APC: variants seen among roughly 807,000 people sequenced by gnomAD.
APC encodes APC regulator of Wnt signaling pathway, also known as adenomatous polyposis coli protein.
In APC, 72 loss-of-function variants were observed where a neutral mutation model predicts 247.0. That is an observed-to-expected ratio of 0.29 (90% CI 0.24 to 0.35). The LOEUF (loss-of-function observed/expected upper bound fraction) is 0.35. APC is among the 10% of genes least tolerant of loss of function. The pLI is 1.00. For synonymous variants in APC, 1,254 were observed against 1,162.5 expected, an observed-to-expected ratio of 1.08 and a Z score of -1.60; for missense variants, 3,400 against 3,360.7, an observed-to-expected ratio of 1.01 and a Z score of -0.29.
At chr5:112,814,909 C>T (rs1762341728) in intron 8 of APC, among the ~76,000 whole-genome samples, 1 of 152,216 alleles carries the variant, frequency 6.6e-6, no homozygotes, top group Non-Finnish European at 1.5e-5. Flanking sequence ...TTAAATGTTA[C>T]TGATTTTATA....
intron 1 of APC, among the ~76,000 whole-genome samples, chr5:112,708,528 T>C (rs1042221682): frequency 1.3e-5 from 2 of 152,180 alleles, no homozygotes; most frequent in Admixed American, 6.5e-5. Flanking sequence ...GCTTTCTAGA[T>C]CTAGTGAAAG....
chr5:112,827,999 T>TA lies in APC; in HGVS notation c.1620dup (p.Gln541ThrfsTer19), dbSNP rs1131691555. The TA allele has an allele frequency of 6.2e-7, 1 of 1,611,936 alleles. No individual in the cohort carries two copies. The highest frequency in any genetic ancestry group is 8.5e-7 in the Non-Finnish European group (1 of 1,179,286). ...CAACTAAAATCTGAAAGTGAAGACTTACAGCAGGTACTATTTAGAATTTCA... is the reference window on the plus strand; with the variant it reads ...CAACTAAAATCTGAAAGTGAAGACTTAACAGCAGGTACTATTTAGAATTTCA... On this transcript the variant is annotated frameshift_variant, in exon 13 of 16. Transcript: ENST00000257430. LOFTEE classifies it high-confidence loss of function.
chr5:112,841,623 A>T lies in APC; in HGVS notation c.6029A>T (p.Lys2010Ile), dbSNP rs1766119645. The T allele has an allele frequency of 6.2e-7, 1 of 1,613,356 alleles. No homozygotes were observed. Reference sequence around the variant, plus strand: ...CCTCAAGCATCAGGCTATGCTCCTAAATCATTTCATGTTGAAGATACCCCA... The same window carrying T: ...CCTCAAGCATCAGGCTATGCTCCTATATCATTTCATGTTGAAGATACCCCA... ...SKPQASGYAP[K>I]SFHVEDTPVC... The change falls in exon 16 of 16, where the codon AAA (lysine) becomes ATA (isoleucine). Residue 2010 changes from lysine (K) to isoleucine (I), a missense_variant. By Grantham distance (102) the Lys-to-Ile change is moderately radical. Transcript: ENST00000257430. This position sits in a 1 kb window ranked among gnomAD's most constrained non-coding sequence, Gnocchi z 4.6.
intron 2 of APC, among the ~76,000 whole-genome samples, chr5:112,761,817 C>A (rs1581144297): frequency 6.6e-6 from 1 of 152,116 alleles, no homozygotes; most frequent in Admixed American, 6.5e-5. Flanking sequence ...ATAATCTTAT[C>A]TATGTGGCCT....
chr5:112,843,772 T>G lies in APC; in HGVS notation c.8178T>G (p.Ile2726Met). Reference sequence around the variant, plus strand: ...TGGAAAATCGCCTGAACTCCTTTATTCAGGTGGATGCCCCTGACCAAAAAG... The same window carrying G: ...TGGAAAATCGCCTGAACTCCTTTATGCAGGTGGATGCCCCTGACCAAAAAG... The part of the protein sequence containing the change: ...VGLENRLNSF[I>M]QVDAPDQKGT... Residue 2726 changes from isoleucine (I) to methionine (M), a missense_variant, in exon 16 of 16, where the codon ATT becomes ATG. Ile to Met is a conservative substitution (Grantham distance 10). Coordinates refer to ENST00000257430, the MANE Select transcript of APC (RefSeq NM_000038.6). This position sits in a 1 kb window ranked among gnomAD's most constrained non-coding sequence, Gnocchi z 4.8. The G allele has an allele frequency of 6.2e-7, 1 of 1,614,000 alleles. No homozygotes were observed. Among genetic ancestry groups the G allele is most frequent in the Non-Finnish European group, 8.5e-7 (1 of 1,179,872 alleles).
At chr5:112,802,095 T>C (rs1760891263) in intron 8 of APC, among the ~76,000 whole-genome samples, 1 of 152,118 alleles carries the variant, frequency 6.6e-6, no homozygotes, top group South Asian at 2.1e-4. Flanking sequence ...AATGAATGAC[T>C]TTTTAAAAAC....
rs1446823177 is a variant in APC at position 112,838,337 on chromosome 5, G to T, written c.2743G>T (p.Val915Leu). 1 of 1,614,216 alleles carries T rather than the reference G, an allele frequency of 6.2e-7. No homozygotes were observed. Among genetic ancestry groups the T allele is most frequent in the Non-Finnish European group, 8.5e-7 (1 of 1,180,038 alleles). ...TGGGTCTACCACTGAATTACATTGT[G>T]TGACAGATGAGAGAAATGCACTTAG... is the stretch of plus-strand genomic sequence containing the variant. ...SSGSTTELHC[V>L]TDERNALRRS... Residue 915 changes from valine to leucine, a missense_variant, in exon 16 of 16, where the codon GTG becomes TTG. This residue lies in a region of APC where 715 missense variants were observed against 656.6 expected (regional missense o/e 1.09). Transcript: ENST00000257430.
intron 1 of APC, 97 bp from the exon 2 acceptor site, chr5:112,754,776 C>T (rs1434532635): frequency 8.8e-6 from 10 of 1,134,992 alleles, no homozygotes; most frequent in Admixed American, 2.1e-5. Context: ...TCTTCTTAAA[C>T]GTCTTAAGAG....
chr5:112,838,971 G>T lies in APC; in HGVS notation c.3377G>T (p.Ser1126Ile), dbSNP rs767339739. 3.7e-6 allele frequency: 6 copies of T among 1,613,962 alleles called. No homozygotes were observed. In the South Asian group the frequency reaches 5.5e-5, roughly 15 times the overall value. Reference protein sequence around the residue: ...GSNHGINQNVSQSLCQEDDYE... With the variant: ...GSNHGINQNVIQSLCQEDDYE... ...AATCATGGAATTAATCAAAATGTAA[G>T]CCAGTCTTTGTGTCAAGAAGATGAC... Residue 1126 changes from serine (S) to isoleucine (I), a missense_variant, in exon 16 of 16, where the codon AGC (serine) becomes ATC (isoleucine). Physicochemically the swap from Ser to Ile is moderately radical, Grantham distance 142 (BLOSUM62 -2). Around this residue, in one of 9 missense-constraint regions of APC, gnomAD observed 715 missense variants for 656.6 expected, o/e 1.09. Transcript: ENST00000257430.
Position 112,754,922 on chromosome 5 carries a change from A to T in APC, c.32A>T (p.Lys11Met), listed in dbSNP as rs2149737590. 3.1e-6 allele frequency: 5 copies of T among 1,613,848 alleles called. No individual in the cohort carries two copies. The highest frequency in any genetic ancestry group is 4.2e-6 in the Non-Finnish European group (5 of 1,179,794). ...GCAGCTTCATATGATCAGTTGTTAAAGCAAGTTGAGGCACTGAAGATGGAG... is the reference window on the plus strand; with the variant it reads ...GCAGCTTCATATGATCAGTTGTTAATGCAAGTTGAGGCACTGAAGATGGAG... MAAASYDQLL[K>M]QVEALKMENS... The change falls in exon 2 of 16, where the codon AAG (lysine) becomes ATG (methionine). Residue 11 changes from lysine to methionine, a missense_variant. By Grantham distance (95) the Lys-to-Met change is moderately conservative. Around this residue, in one of 9 missense-constraint regions of APC, gnomAD observed 372 missense variants for 367.6 expected, o/e 1.01. Transcript: ENST00000257430.
intron 7 of APC, among the ~76,000 whole-genome samples, chr5:112,799,956 C>T (rs918878060): frequency 1.3e-5 from 2 of 152,150 alleles, no homozygotes; most frequent in African/African-American, 4.8e-5. Flanking sequence ...CCCAAGAGAG[C>T]TCTTCCAAAC....
At chr5:112,778,611 A>G (rs574004684) in intron 5 of APC, 2 of 151,584 alleles carry the variant, frequency 1.3e-5, no homozygotes, top group South Asian at 2.1e-4. Flanking sequence ...CAGTGGCGCA[A>G]TCTCAGCTCA....
chr5:112,728,152 G>C (rs1446896976), intron 1 of APC, among the ~76,000 whole-genome samples: 2 of 151,830 alleles, frequency 1.3e-5, no homozygotes, highest in Non-Finnish European at 2.9e-5. Flanking sequence ...TTTTGAGACA[G>C]AGTCTCTCTC....
At chr5:112,717,167 C>T (rs1269745298) in intron 1 of APC, among the ~76,000 whole-genome samples, 10 of 152,166 alleles carry the variant, frequency 6.6e-5, no homozygotes, top group East Asian at 1.9e-4. Context: ...TGTGCCACTA[C>T]GCCTGCCTAA....
At chr5:112,819,383 A>G (rs1204598353) in intron 10 of APC, 39 bp downstream of exon 10, 5 of 1,613,588 alleles carry the variant, frequency 3.1e-6, no homozygotes, top group Non-Finnish European at 4.2e-6. Flanking sequence ...GCATGTTTCA[A>G]AGCAAATGTG....
chr5:112,833,180 ATT>A (rs35482005), intron 14 of APC, among the ~76,000 whole-genome samples: 318 of 122,124 alleles, frequency 2.6e-3, no homozygotes, highest in African/African-American at 5.6e-3. Flanking sequence ...TGCCTGGCTA[ATT>A]TTTTTTTTTT....
At chr5:112,753,868 T>C (rs186180449) in intron 1 of APC, among the ~76,000 whole-genome samples, 7 of 152,322 alleles carry the variant, frequency 4.6e-5, no homozygotes, top group African/African-American at 1.2e-4. Context: ...CTTAATACTT[T>C]TTAGCTATTA....
At chr5:112,828,826 T>A in intron 13 of APC, 30 bp from the exon 14 acceptor site, 1 of 1,464,884 alleles carries the variant, frequency 6.8e-7, no homozygotes, top group Non-Finnish European at 9.6e-7. Context: ...ATTTTATGTA[T>A]AAATTAATCT....
chr5:112,787,501 T>A (rs1759104267), intron 6 of APC, among the ~76,000 whole-genome samples: 1 of 152,164 alleles, frequency 6.6e-6, no homozygotes, highest in Non-Finnish European at 1.5e-5. Flanking sequence ...TAACAATCAG[T>A]GGGTAGTGAA....
Sources: allele counts gnomAD v4.1 joint callset (sites outside exome capture counted in the v4.1 genomes callset), GRCh38; gene constraint gnomAD v4.1.1; regional missense constraint gnomAD v4.1.1; non-coding constraint Gnocchi (gnomAD v3.1); transcripts MANE v1.5; gene names NCBI Gene and HGNC (gene_info 2026-07-23, HGNC 2026-07-21).